TMEM132D: variants seen among roughly 807,000 people sequenced by gnomAD.
TMEM132D encodes transmembrane protein 132D, also known as mature OL transmembrane protein.
TMEM132D carries 21 observed loss-of-function variants against 62.3 expected under a neutral mutation model. The observed-to-expected ratio is 0.34, with a 90% confidence interval of 0.24 to 0.49. The LOEUF (loss-of-function observed/expected upper bound fraction) is 0.49. Among genes scored for constraint, TMEM132D ranks in the 20% least tolerant of loss-of-function variants. TMEM132D has a pLI of 0.99. For missense variants in TMEM132D, 1,346 were observed against 1,402.8 expected (o/e 0.96, Z 0.65); for synonymous variants, 621 against 575.6 (o/e 1.08, Z -1.13).
At chr12:129,173,203 T>A (rs541176922) in intron 5 of TMEM132D, among the ~76,000 whole-genome samples, 1 of 152,188 alleles carries the variant, frequency 6.6e-6, no homozygotes, top group Non-Finnish European at 1.5e-5. Context: ...AGAGTTGCCG[T>A]GAACCTTCAA....
chr12:129,445,367 T>C (rs1240323978), intron 3 of TMEM132D, among the ~76,000 whole-genome samples: 1 of 152,088 alleles, frequency 6.6e-6, no homozygotes, highest in Non-Finnish European at 1.5e-5. Context: ...GTACTAGGCT[T>C]AATACCCGAG....
chr12:129,305,419 C>T (rs116613060), intron 4 of TMEM132D, among the ~76,000 whole-genome samples: 182 of 152,262 alleles, frequency 1.2e-3, no homozygotes, highest in African/African-American at 3.9e-3. Flanking sequence ...TGGCAAAGGA[C>T]CTCATGCCAC....
At chr12:129,420,448 T>A (rs1413170522) in intron 3 of TMEM132D, among the ~76,000 whole-genome samples, 6 of 151,676 alleles carry the variant, frequency 4.0e-5, no homozygotes, top group Middle Eastern at 3.4e-3. Flanking sequence ...TCAAATACCG[T>A]GAAGCACAGT....
rs185414819 is a variant in TMEM132D, at chr12:129,866,968, C to A, written c.79+36293G>T. Among the ~76,000 whole-genome samples the A allele has an allele frequency of 8.5e-3, 1,297 of 152,246 alleles. 7 individuals are homozygous for A. Among genetic ancestry groups the A allele is most frequent in the Non-Finnish European group, 0.014 (936 of 68,018 alleles). ...ACTTAGTCTTAAAAAAGAAATCCAG[C>A]CAGGCACAGTGGCTCATGCCTGTAA... On this transcript the variant is annotated intron_variant, in intron 1 of 8. Transcript: ENST00000422113.
intron 4 of TMEM132D, among the ~76,000 whole-genome samples, chr12:129,335,307 GT>G (rs370318784): frequency 0.018 from 2,573 of 146,842 alleles, 64 homozygotes; most frequent in African/African-American, 0.06. Flanking sequence ...AAGTTTTGTA[GT>G]TTTTTTTTTA....
At chr12:129,105,647 C>T (rs148851978) in intron 5 of TMEM132D, among the ~76,000 whole-genome samples, 2,003 of 150,672 alleles carry the variant, frequency 0.013, 176 homozygotes, top group African/African-American at 0.046. Flanking sequence ...ATTTATGCAG[C>T]CAAAAAACAC....
chr12:129,302,529 C>T (rs1881745945), intron 4 of TMEM132D, among the ~76,000 whole-genome samples: 1 of 152,240 alleles, frequency 6.6e-6, no homozygotes, highest in Non-Finnish European at 1.5e-5. Flanking sequence ...TGTGGGCCAG[C>T]TGCTGATGCT....
chr12:129,371,559 G>A lies in TMEM132D; in HGVS notation c.1116-33742C>T, dbSNP rs905480453. ...TTATGATGATGATGATGATGATGGC[G>A]ATGATGGTGACAATGATGTGATGAT... On this transcript the variant is annotated intron_variant, in intron 3 of 8. Coordinates refer to ENST00000422113, the MANE Select transcript of TMEM132D (RefSeq NM_133448.3). The surrounding 1 kb of genome is among the most constrained non-coding windows in gnomAD (Gnocchi z 4.3). Among the ~76,000 whole-genome samples the A allele has an allele frequency of 4.6e-5, 7 of 151,904 alleles. No individual in the cohort carries two copies. Among genetic ancestry groups the A allele is most frequent in the East Asian group, 1.9e-4 (1 of 5,150 alleles).
At chr12:129,270,169 C>A (rs1880813940) in intron 4 of TMEM132D, among the ~76,000 whole-genome samples, 1 of 151,962 alleles carries the variant, frequency 6.6e-6, no homozygotes, top group South Asian at 2.1e-4. Context: ...TCCCTTTGTT[C>A]TTTTCTCATT....
chr12:129,633,261 T>C (rs933287626), intron 2 of TMEM132D, among the ~76,000 whole-genome samples: 7 of 152,208 alleles, frequency 4.6e-5, no homozygotes, highest in African/African-American at 1.7e-4. Context: ...CCTATGGACA[T>C]GTGGAAAATC....
intron 1 of TMEM132D, among the ~76,000 whole-genome samples, chr12:129,746,293 C>A (rs1308677742): frequency 6.6e-6 from 1 of 152,012 alleles, no homozygotes; most frequent in Non-Finnish European, 1.5e-5. Context: ...GAAAAGTTAT[C>A]CAGGGATGTT....
Position 129,294,265 on chromosome 12 carries a change from T to C in TMEM132D, c.1299+43369A>G, listed in dbSNP as rs188353840. Among the ~76,000 whole-genome samples the C allele has an allele frequency of 1.9e-4, 29 of 152,320 alleles. No individual in the cohort carries two copies. In the East Asian group the frequency reaches 5.6e-3, roughly 29 times the overall value. On this transcript the variant is annotated intron_variant, in intron 4 of 8. Transcript: ENST00000422113. ...GTAATCAATGGCTGGCAGGTCTTTATGTCTGTCCCCTAATCTGTAAAACAA... is the reference window on the plus strand; with the variant it reads ...GTAATCAATGGCTGGCAGGTCTTTACGTCTGTCCCCTAATCTGTAAAACAA...
intron 4 of TMEM132D, among the ~76,000 whole-genome samples, chr12:129,330,763 T>C (rs930175110): frequency 1.3e-5 from 2 of 152,220 alleles, no homozygotes; most frequent in Non-Finnish European, 2.9e-5. Flanking sequence ...ATAACTTTAA[T>C]ACATAATTTT....
intron 3 of TMEM132D, 71 bp downstream of exon 3, chr12:129,530,988 A>G: frequency 1.7e-6 from 2 of 1,159,484 alleles, no homozygotes; most frequent in Non-Finnish European, 1.2e-6. Flanking sequence ...TTAGCAATCT[A>G]GGAAAAAAAA....
chr12:129,428,980 G>T (rs1299845493), intron 3 of TMEM132D, among the ~76,000 whole-genome samples: 1 of 152,196 alleles, frequency 6.6e-6, no homozygotes, highest in Non-Finnish European at 1.5e-5. Context: ...ACTCACTGTA[G>T]TCCACAATCC....
chr12:129,646,886 G>A (rs1170120628), intron 2 of TMEM132D, among the ~76,000 whole-genome samples: 4 of 149,580 alleles, frequency 2.7e-5, no homozygotes, highest in Admixed American at 6.7e-5. Flanking sequence ...TGCAACCTCC[G>A]CTTCTCAGGT....
chr12:129,547,190 A>G (rs999551909), intron 2 of TMEM132D, among the ~76,000 whole-genome samples: 5 of 152,028 alleles, frequency 3.3e-5, no homozygotes, highest in African/African-American at 1.2e-4. Flanking sequence ...CTCTGCCTCC[A>G]TGGTTACACA....
chr12:129,260,028 C>G (rs545598908), intron 4 of TMEM132D, among the ~76,000 whole-genome samples: 2 of 152,020 alleles, frequency 1.3e-5, no homozygotes, highest in Non-Finnish European at 2.9e-5. Flanking sequence ...GGCAGTTGAG[C>G]CTGAAATGAG....
intron 2 of TMEM132D, among the ~76,000 whole-genome samples, chr12:129,652,407 T>C (rs76366348): frequency 0.015 from 2,298 of 152,284 alleles, 51 homozygotes; most frequent in African/African-American, 0.051. Context: ...TGTATTATGT[T>C]ACCTGGCAAA....
Sources: gnomAD v4.1 joint callset for allele counts (sites outside exome capture counted in the v4.1 genomes callset) on GRCh38, gnomAD v4.1.1 for gene constraint, Gnocchi (gnomAD v3.1) non-coding constraint, MANE v1.5 for transcripts, NCBI Gene and HGNC (gene_info 2026-07-23, HGNC 2026-07-21) for gene names.